Variants in INPP5D observed in about 807,000 individuals in gnomAD.
INPP5D encodes the protein phosphatidylinositol 3,4,5-trisphosphate 5-phosphatase 1.
Under a neutral mutation model 122.9 loss-of-function variants are expected in INPP5D, and 33 were observed. The observed-to-expected ratio is 0.27, with a 90% confidence interval of 0.20 to 0.36. The LOEUF (loss-of-function observed/expected upper bound fraction) is 0.36. Among genes scored for constraint, INPP5D ranks in the 10% least tolerant of loss-of-function variants. The probability of loss-of-function intolerance (pLI) is 1.00; values close to 1 mark genes in which losing one functional copy is unlikely to be tolerated. For synonymous variants in INPP5D, 584 were observed against 576.2 expected (o/e 1.01, Z -0.19); for missense variants, 1,053 against 1,412.7 (o/e 0.75, Z 4.08).
intron 1 of INPP5D, among the ~76,000 whole-genome samples, chr2:233,075,409 C>A (rs1435548336): frequency 1.3e-5 from 2 of 152,184 alleles, no homozygotes; most frequent in South Asian, 2.1e-4. Flanking sequence ...CCCTAAAGAG[C>A]AGTGAGCATG....
chr2:233,125,009 C>T (rs538307878), intron 3 of INPP5D, among the ~76,000 whole-genome samples: 22 of 152,376 alleles, frequency 1.4e-4, no homozygotes, highest in East Asian at 5.8e-4. Context: ...GGAGGTCCCC[C>T]GGGGCCCACT....
intron 19 of INPP5D, among the ~76,000 whole-genome samples, chr2:233,182,847 C>G (rs1298045770): frequency 6.6e-6 from 1 of 152,118 alleles, no homozygotes; most frequent in East Asian, 1.9e-4. Context: ...TTAGTAATGC[C>G]TTTGTTTTAA....
In INPP5D at chr2:233,182,436, G is replaced by T; in HGVS notation, c.2098G>T (p.Asp700Tyr). The change falls in exon 19 of 27, where the codon GAC becomes TAC. Residue 700 changes from aspartate (D) to tyrosine (Y), a missense_variant. Asp to Tyr is a radical substitution (Grantham distance 160). This residue lies in a region of INPP5D where 258 missense variants were observed against 439.1 expected (regional missense o/e 0.59). Transcript: ENST00000445964. ...CAGTACCAGCGACATCATGACGAGT[G>T]ACCACAGCCCTGTCTTTGCCACATT... The part of the protein sequence containing the change: ...YGSTSDIMTS[D>Y]HSPVFATFEA... The T allele has an allele frequency of 6.2e-7, 1 of 1,613,760 alleles. No homozygotes were observed. The highest frequency in any genetic ancestry group is 1.1e-5 in the South Asian group (1 of 91,044).
chr2:233,140,052 G>A (rs1027745712), intron 6 of INPP5D, 123 bp downstream of exon 6: 4 of 389,348 alleles, frequency 1.0e-5, no homozygotes, highest in Non-Finnish European at 1.8e-5. Flanking sequence ...CTGGGCAACA[G>A]CAAGCAGGTA....
At chr2:233,070,603 A>G (rs1329947557) in intron 1 of INPP5D, among the ~76,000 whole-genome samples, 2 of 151,960 alleles carry the variant, frequency 1.3e-5, no homozygotes, top group Non-Finnish European at 2.9e-5. Flanking sequence ...CACCATGCCC[A>G]GCTAATTTTT....
At chr2:233,080,022 C>G (rs1272774645) in intron 2 of INPP5D, among the ~76,000 whole-genome samples, 5 of 152,142 alleles carry the variant, frequency 3.3e-5, no homozygotes, top group African/African-American at 1.2e-4. Context: ...CTCCACCTCC[C>G]AGGTTCAAGT....
chr2:233,123,039 C>T (rs1390030752), intron 3 of INPP5D, among the ~76,000 whole-genome samples: 1 of 152,162 alleles, frequency 6.6e-6, no homozygotes, highest in South Asian at 2.1e-4. Context: ...TGCTGAATTT[C>T]ACTGAGAGGA....
rs926697010 is a variant in INPP5D at position 233,141,795 on chromosome 2, C to A, written c.753+1866C>A. Among the ~76,000 whole-genome samples the A allele has an allele frequency of 2.0e-4, 31 of 152,198 alleles. No individual in the cohort carries two copies. In the South Asian group the frequency reaches 3.1e-3, roughly 15 times the overall value. On this transcript the variant is annotated intron_variant, in intron 6 of 26. Coordinates refer to ENST00000445964, the MANE Select transcript of INPP5D (RefSeq NM_001017915.3). ...GGAAGGATTTAAACCCAAAGGGCCA[C>A]GCTGGTCACCACAATTCAGGGATGA... is the stretch of plus-strand genomic sequence containing the variant.
At chr2:233,076,975 A>G (rs1181574967) in intron 1 of INPP5D, among the ~76,000 whole-genome samples, 1 of 152,260 alleles carries the variant, frequency 6.6e-6, no homozygotes, top group Non-Finnish European at 1.5e-5. Context: ...CTATCAAAAT[A>G]GCAAATCTCC....
chr2:233,182,729 C>T (rs1249113487), intron 19 of INPP5D, among the ~76,000 whole-genome samples: 1 of 151,828 alleles, frequency 6.6e-6, no homozygotes, highest in Non-Finnish European at 1.5e-5. Context: ...CAATTTTAGT[C>T]TGAAAACGTG....
In INPP5D at chr2:233,189,792, C is replaced by T; in HGVS notation, c.2359-58C>T. 1 of 1,589,302 alleles carries T rather than the reference C, an allele frequency of 6.3e-7. No individual in the cohort carries two copies. The highest frequency in any genetic ancestry group is 1.1e-5 in the South Asian group (1 of 87,646). On this transcript the variant is annotated intron_variant, in intron 21 of 26. Coordinates refer to ENST00000445964, the MANE Select transcript of INPP5D (RefSeq NM_001017915.3). This position sits in a 1 kb window ranked among gnomAD's most constrained non-coding sequence, Gnocchi z 5.6. ...CATCTTCATCCACTTGTCCACCCACCTGTCCCCTCACCTGTCCCTTGCCCA... is the reference window on the plus strand; with the variant it reads ...CATCTTCATCCACTTGTCCACCCACTTGTCCCCTCACCTGTCCCTTGCCCA...
Position 233,130,606 on chromosome 2 carries a change from A to G in INPP5D, c.623A>G (p.His208Arg), listed in dbSNP as rs1174606978. 6.2e-7 allele frequency: 1 copy of G among 1,613,870 alleles called. No individual in the cohort carries two copies. The highest frequency in any genetic ancestry group is 8.5e-7 in the Non-Finnish European group (1 of 1,179,892). ...FVKTGSSSLP[H>R]LKKLTTLLCK... ...AAGACAGGGTCCAGCAGTCTTCCTC[A>G]CCTGAAGAAACTGACCACACTGCTC... The change falls in exon 5 of 27, where the codon CAC (histidine) becomes CGC (arginine). Residue 208 changes from histidine to arginine, a missense_variant. This residue lies in a region of INPP5D where 196 missense variants were observed against 175.6 expected (regional missense o/e 1.12). Coordinates refer to ENST00000445964, the MANE Select transcript of INPP5D (RefSeq NM_001017915.3).
Position 233,073,700 on chromosome 2 carries a change from T to A in INPP5D, c.135-5635T>A, listed in dbSNP as rs558860356. Reference sequence around the variant, plus strand: ...TTTTCAGGAAGCCCTGTTGCATCTGTAGGACTGAGATCAGCTTCTGTATTT... The same window carrying A: ...TTTTCAGGAAGCCCTGTTGCATCTGAAGGACTGAGATCAGCTTCTGTATTT... On this transcript the variant is annotated intron_variant, in intron 1 of 26. Transcript: ENST00000445964. 6.6e-5 allele frequency among the ~76,000 whole-genome samples: 10 copies of A among 151,728 alleles called. No individual in the cohort carries two copies. The East Asian group carries it at 1.7e-3, about 26-fold the overall frequency.
intron 2 of INPP5D, among the ~76,000 whole-genome samples, chr2:233,110,777 T>C (rs576610353): frequency 6.6e-6 from 1 of 152,088 alleles, no homozygotes; most frequent in Admixed American, 6.5e-5. Flanking sequence ...ATACAAAAAT[T>C]AGCTGGGTGT....
At chr2:233,143,182 C>A (rs1693665349) in intron 6 of INPP5D, among the ~76,000 whole-genome samples, 1 of 152,328 alleles carries the variant, frequency 6.6e-6, no homozygotes, top group Admixed American at 6.5e-5. Flanking sequence ...GCATAGCATA[C>A]AAACTCATCA....
At chr2:233,137,963 T>A (rs1420512847) in intron 5 of INPP5D, among the ~76,000 whole-genome samples, 2 of 43,246 alleles carry the variant, frequency 4.6e-5, no homozygotes, top group Non-Finnish European at 9.4e-5. Context: ...GATATTATAT[T>A]ATAATATAAT....
Position 233,197,304 on chromosome 2 carries a change from C to A in INPP5D, c.2694-791C>A, listed in dbSNP as rs760466572. On this transcript the variant is annotated intron_variant, in intron 24 of 26. Transcript: ENST00000445964. This position sits in a 1 kb window ranked among gnomAD's most constrained non-coding sequence, Gnocchi z 4.4. ...AGCTTTAAGCTGATTGCCCCCAATT[C>A]CAGGCTCCAACCTTGATCTCTGTGA... Among the ~76,000 whole-genome samples the A allele has an allele frequency of 6.6e-6, 1 of 152,214 alleles. No individual in the cohort carries two copies. Among genetic ancestry groups the A allele is most frequent in the Admixed American group, 6.5e-5 (1 of 15,278 alleles).
At chr2:233,116,603 T>C (rs1692805649) in intron 2 of INPP5D, among the ~76,000 whole-genome samples, 1 of 144,262 alleles carries the variant, frequency 6.9e-6, no homozygotes, top group South Asian at 2.2e-4. Context: ...CTCATAATTT[T>C]TTTTTTTCTT....
intron 5 of INPP5D, 91 bp downstream of exon 5, chr2:233,130,739 G>C: frequency 7.5e-7 from 1 of 1,338,862 alleles, no homozygotes; most frequent in East Asian, 2.3e-5. Context: ...CTGCCTGGCT[G>C]AACAAATGCC....
Sources: gnomAD v4.1 joint callset for allele counts (sites outside exome capture counted in the v4.1 genomes callset) on GRCh38, gnomAD v4.1.1 for gene constraint, gnomAD v4.1.1 regional missense constraint, Gnocchi (gnomAD v3.1) non-coding constraint, MANE v1.5 for transcripts, NCBI Gene and HGNC (gene_info 2026-07-23, HGNC 2026-07-21) for gene names.